HEMK2: variants seen among roughly 807,000 people sequenced by gnomAD.
HEMK2 encodes methyltransferase HEMK2.
At chr21:28,850,681 A>C in the HEMK2 span, among the ~76,000 whole-genome samples, 1 of 152,204 alleles carries the variant, frequency 6.6e-6, no homozygotes, top group Non-Finnish European at 1.5e-5. Context: ...TATTGGAACA[A>C]AAGACCATTA....
chr21:28,600,926 A>G, the HEMK2 span, among the ~76,000 whole-genome samples: 1 of 152,188 alleles, frequency 6.6e-6, no homozygotes, highest in Non-Finnish European at 1.5e-5. Context: ...TAAGTTCCAA[A>G]ACTGTACTCC....
the HEMK2 span, among the ~76,000 whole-genome samples, chr21:28,722,213 A>T: frequency 1.3e-5 from 2 of 151,804 alleles, no homozygotes; most frequent in African/African-American, 2.4e-5. Flanking sequence ...TTTACTGGTT[A>T]AAAAAAATTG....
the HEMK2 span, among the ~76,000 whole-genome samples, chr21:28,660,923 A>G: frequency 6.6e-6 from 1 of 152,112 alleles, no homozygotes; most frequent in Non-Finnish European, 1.5e-5. Context: ...TTAATACTTA[A>G]AGAACCACTT....
At chr21:28,648,811 T>G in the HEMK2 span, among the ~76,000 whole-genome samples, 3 of 152,142 alleles carry the variant, frequency 2.0e-5, no homozygotes. Context: ...ATACTTTAAG[T>G]TTTAGGGTAC....
the HEMK2 span, among the ~76,000 whole-genome samples, chr21:28,752,500 G>C: frequency 6.2e-4 from 94 of 152,238 alleles, no homozygotes; most frequent in African/African-American, 2.2e-3. Context: ...GTCATGTCTT[G>C]AATACTATTA....
At chr21:28,856,557 G>A in the HEMK2 span, among the ~76,000 whole-genome samples, 2 of 152,116 alleles carry the variant, frequency 1.3e-5, no homozygotes, top group Admixed American at 6.5e-5. Flanking sequence ...TGAAAGTATC[G>A]AGTAAATTCT....
chr21:28,822,241 A>C, the HEMK2 span, among the ~76,000 whole-genome samples: 1 of 152,202 alleles, frequency 6.6e-6, no homozygotes, highest in Non-Finnish European at 1.5e-5. Context: ...GGACAAAGAA[A>C]ATAAAGTATT....
chr21:28,598,185 G>A, the HEMK2 span, among the ~76,000 whole-genome samples: 10 of 152,164 alleles, frequency 6.6e-5, no homozygotes, highest in Admixed American at 3.9e-4. Flanking sequence ...CCTGGAAGAC[G>A]AGCTCTGAGC....
the HEMK2 span, among the ~76,000 whole-genome samples, chr21:28,779,583 T>C: frequency 6.6e-6 from 1 of 152,146 alleles, no homozygotes. Context: ...TATTGCATAT[T>C]TCAAAGTTGC....
At chr21:28,747,264 G>A in the HEMK2 span, among the ~76,000 whole-genome samples, 2 of 152,192 alleles carry the variant, frequency 1.3e-5, no homozygotes, top group Non-Finnish European at 2.9e-5. Context: ...TGCAAGGCCC[G>A]GATGGAGGAG....
the HEMK2 span, among the ~76,000 whole-genome samples, chr21:28,701,177 C>T: frequency 6.6e-6 from 1 of 152,168 alleles, no homozygotes; most frequent in Non-Finnish European, 1.5e-5. Context: ...GACAAAGCCA[C>T]AGCCAACATC....
the HEMK2 span, among the ~76,000 whole-genome samples, chr21:28,867,623 T>C: frequency 6.6e-6 from 1 of 152,300 alleles, no homozygotes; most frequent in Admixed American, 6.5e-5. Flanking sequence ...CTCATAGTAT[T>C]CATACAACAA....
chr21:28,580,725 G>A, the HEMK2 span, among the ~76,000 whole-genome samples: 2 of 152,018 alleles, frequency 1.3e-5, no homozygotes, highest in African/African-American at 2.4e-5. Context: ...CCCAATAGTC[G>A]ACAATTATCC....
the HEMK2 span, among the ~76,000 whole-genome samples, chr21:28,606,515 A>G: frequency 3.5e-4 from 53 of 152,346 alleles, no homozygotes; most frequent in African/African-American, 1.2e-3. Context: ...AAGGCAGGAT[A>G]AAATACACAA....
chr21:28,674,241 A>T, the HEMK2 span, among the ~76,000 whole-genome samples: 1 of 152,204 alleles, frequency 6.6e-6, no homozygotes, highest in African/African-American at 2.4e-5. Context: ...AGGCATGAAT[A>T]ATCCACTCCT....
the HEMK2 span, among the ~76,000 whole-genome samples, chr21:28,774,023 A>G: frequency 6.6e-6 from 1 of 152,126 alleles, no homozygotes; most frequent in Admixed American, 6.6e-5. Flanking sequence ...CACCTGCAAC[A>G]CTGGCTGGAA....
the HEMK2 span, among the ~76,000 whole-genome samples, chr21:28,711,645 A>G: frequency 6.6e-6 from 1 of 152,206 alleles, no homozygotes; most frequent in South Asian, 2.1e-4. Context: ...ATAAACTCAC[A>G]TAAGAGCAAA....
the HEMK2 span, among the ~76,000 whole-genome samples, chr21:28,696,609 G>A: frequency 1.1e-4 from 16 of 152,082 alleles, no homozygotes; most frequent in Admixed American, 3.3e-4. Context: ...GGGGTCTAGC[G>A]GATGGTGGCC....
the HEMK2 span, among the ~76,000 whole-genome samples, chr21:28,680,081 A>G: frequency 6.6e-6 from 1 of 152,244 alleles, no homozygotes; most frequent in East Asian, 1.9e-4. Flanking sequence ...AGAGACATAA[A>G]AAACCCTTTA....
Sources: allele counts gnomAD v4.1 joint callset (sites outside exome capture counted in the v4.1 genomes callset), GRCh38; gene constraint gnomAD v4.1.1; transcripts MANE v1.5; gene names NCBI Gene and HGNC (gene_info 2026-07-23, HGNC 2026-07-21).